Variants in NPAS3 observed in about 807,000 individuals in gnomAD.
NPAS3 encodes neuronal PAS domain-containing protein 3.
NPAS3 carries 14 observed loss-of-function variants against 73.1 expected under a neutral mutation model. The ratio of observed to expected loss-of-function variants is 0.19; its 90% CI spans 0.13 to 0.30. The LOEUF (loss-of-function observed/expected upper bound fraction) is 0.30, where lower values mean the gene tolerates loss of function less well. Ranked by LOEUF, NPAS3 falls within the 10% of genes least tolerant of loss-of-function variation. NPAS3 has a pLI of 1.00. For missense variants in NPAS3, 1,096 were observed against 1,250.0 expected, an observed-to-expected ratio of 0.88 and a Z score of 1.86; for synonymous variants, 620 against 541.5, an observed-to-expected ratio of 1.14 and a Z score of -2.01.
chr14:33,543,016 G>C (rs1012172814), intron 4 of NPAS3, among the ~76,000 whole-genome samples: 1 of 152,208 alleles, frequency 6.6e-6, no homozygotes, highest in African/African-American at 2.4e-5. Flanking sequence ...ATCACCCCCA[G>C]ACATGCCCTC....
At chr14:33,144,269 TG>T (rs2044161579) in intron 2 of NPAS3, among the ~76,000 whole-genome samples, 1 of 152,172 alleles carries the variant, frequency 6.6e-6, no homozygotes, top group African/African-American at 2.4e-5. Flanking sequence ...GGATGTGAAG[TG>T]GGACCTCATT....
intron 5 of NPAS3, among the ~76,000 whole-genome samples, chr14:33,653,487 A>G (rs1164847789): frequency 6.6e-6 from 1 of 152,254 alleles, no homozygotes; most frequent in East Asian, 1.9e-4. Flanking sequence ...GTGATCTCAT[A>G]TTAAATTTTC....
chr14:33,650,460 A>G (rs1168011630), intron 5 of NPAS3, among the ~76,000 whole-genome samples: 1 of 152,192 alleles, frequency 6.6e-6, no homozygotes, highest in Non-Finnish European at 1.5e-5. Flanking sequence ...ACCTATGAAA[A>G]TAATTAAGCA....
chr14:33,034,254 A>G (rs1161612655), intron 1 of NPAS3, among the ~76,000 whole-genome samples: 1 of 151,984 alleles, frequency 6.6e-6, no homozygotes, highest in Non-Finnish European at 1.5e-5. Flanking sequence ...AAGTAGGATT[A>G]ATAGTTTAAA....
At chr14:33,393,518 A>G (rs1433034436) in intron 4 of NPAS3, among the ~76,000 whole-genome samples, 2 of 152,096 alleles carry the variant, frequency 1.3e-5, no homozygotes, top group African/African-American at 2.4e-5. Context: ...CACCAGTTAC[A>G]TGTATTTTAG....
intron 3 of NPAS3, among the ~76,000 whole-genome samples, chr14:33,240,705 A>G (rs956518296): frequency 1.4e-4 from 21 of 151,748 alleles, no homozygotes; most frequent in African/African-American, 5.1e-4. Context: ...ATTATTTTGA[A>G]CTGTTTTACA....
chr14:33,411,190 G>A (rs113743539), intron 4 of NPAS3, among the ~76,000 whole-genome samples: 32 of 151,896 alleles, frequency 2.1e-4, no homozygotes, highest in Non-Finnish European at 3.1e-4. Context: ...TTGTTTTTTC[G>A]TTGTTTTGTT....
intron 5 of NPAS3, among the ~76,000 whole-genome samples, chr14:33,637,643 T>C (rs979500088): frequency 2.0e-5 from 3 of 152,216 alleles, no homozygotes; most frequent in Non-Finnish European, 4.4e-5. Context: ...TTAGGCAAGG[T>C]TTAATTTATT....
Position 33,772,299 on chromosome 14 carries a change from G to A in NPAS3, c.853-2038G>A, listed in dbSNP as rs935583457. On this transcript the variant is annotated intron_variant, in intron 7 of 11. Transcript: ENST00000356141. ...TAACGGAATCAGAAAATTGCGAGTCGAGACTCTTACTGGACCCAACTTTGA... is the reference window on the plus strand; with the variant it reads ...TAACGGAATCAGAAAATTGCGAGTCAAGACTCTTACTGGACCCAACTTTGA... Among the ~76,000 whole-genome samples the A allele has an allele frequency of 3.9e-5, 6 of 152,212 alleles. No individual in the cohort carries two copies. In the East Asian group the frequency reaches 7.7e-4, roughly 20 times the overall value.
intron 5 of NPAS3, among the ~76,000 whole-genome samples, chr14:33,568,012 G>A (rs993634280): frequency 1.3e-5 from 2 of 152,156 alleles, no homozygotes; most frequent in African/African-American, 4.8e-5. Flanking sequence ...ATTTTCAAAT[G>A]TATGAATCGA....
intron 5 of NPAS3, among the ~76,000 whole-genome samples, chr14:33,666,250 C>A (rs2059447681): frequency 1.3e-5 from 2 of 152,204 alleles, no homozygotes; most frequent in Non-Finnish European, 2.9e-5. Context: ...TAATACACCA[C>A]CCCTGCTCTT....
chr14:33,400,755 T>C (rs1399091314), intron 4 of NPAS3, among the ~76,000 whole-genome samples: 1 of 151,918 alleles, frequency 6.6e-6, no homozygotes, highest in Non-Finnish European at 1.5e-5. Context: ...TGAGTGGTAG[T>C]GGGAGTAGTA....
intron 6 of NPAS3, among the ~76,000 whole-genome samples, chr14:33,689,655 C>T (rs1231519440): frequency 2.0e-5 from 3 of 152,272 alleles, no homozygotes; most frequent in Non-Finnish European, 2.9e-5. Context: ...GAGGCCCTTT[C>T]GTAGACTCCA....
At chr14:33,030,339 G>A (rs17099943) in intron 1 of NPAS3, among the ~76,000 whole-genome samples, 1 of 151,984 alleles carries the variant, frequency 6.6e-6, no homozygotes, top group East Asian at 1.9e-4. Flanking sequence ...CAAGTGTAAG[G>A]GTTTCAAAGT....
chr14:33,238,759 A>G (rs924013130), intron 3 of NPAS3, among the ~76,000 whole-genome samples: 1 of 151,984 alleles, frequency 6.6e-6, no homozygotes, highest in Admixed American at 6.6e-5. Context: ...GTGGTAGTGA[A>G]TTTAGTAATT....
intron 2 of NPAS3, among the ~76,000 whole-genome samples, chr14:33,109,810 CTTTTTTTT>C (rs67439887): frequency 1.2e-5 from 1 of 86,948 alleles, no homozygotes; most frequent in Non-Finnish European, 2.1e-5. Flanking sequence ...ATTTGCATGT[CTTTTTTTT>C]TTTTTTTTTT....
chr14:33,160,519 A>T (rs2044828929), intron 2 of NPAS3, among the ~76,000 whole-genome samples: 1 of 150,322 alleles, frequency 6.7e-6, no homozygotes, highest in South Asian at 2.1e-4. Context: ...GAGGGATAGC[A>T]TTAGGAGATA....
intron 4 of NPAS3, among the ~76,000 whole-genome samples, chr14:33,367,667 T>A (rs1316177): frequency 6.6e-6 from 1 of 151,148 alleles, no homozygotes; most frequent in African/African-American, 2.4e-5. Context: ...TTTTTTTTTT[T>A]TGTGTCGCCA....
intron 4 of NPAS3, among the ~76,000 whole-genome samples, chr14:33,516,169 A>G (rs1370400735): frequency 6.6e-6 from 1 of 152,154 alleles, no homozygotes; most frequent in African/African-American, 2.4e-5. Flanking sequence ...CATAGCAGTC[A>G]GTGGGAAAGC....
Sources: allele counts gnomAD v4.1 joint callset (sites outside exome capture counted in the v4.1 genomes callset), GRCh38; gene constraint gnomAD v4.1.1; transcripts MANE v1.5; gene names NCBI Gene and HGNC (gene_info 2026-07-23, HGNC 2026-07-21).